The following SYT9 variants were observed in gnomAD, a reference collection of about 807,000 sequenced individuals.
The protein encoded by SYT9 is synaptotagmin-9.
A neutral mutation model predicts 48.4 loss-of-function variants in SYT9; 22 were observed. That is an observed-to-expected ratio of 0.45 (90% CI 0.32 to 0.65). The LOEUF is 0.65. Ranked by LOEUF, SYT9 falls within the 30% of genes least tolerant of loss-of-function variation. SYT9 has a pLI of 0.03. For missense variants in SYT9, 577 were observed against 622.0 expected (o/e 0.93, Z 0.77); for synonymous variants, 265 against 245.0 (o/e 1.08, Z -0.76).
At chr11:7,362,127 T>G (rs1337304647) in intron 3 of SYT9, among the ~76,000 whole-genome samples, 2 of 145,670 alleles carry the variant, frequency 1.4e-5, no homozygotes, top group African/African-American at 4.9e-5. Context: ...CTTTCTTTCT[T>G]TTTTATTTTA....
At chr11:7,296,177 G>A (rs1848803385) in intron 1 of SYT9, among the ~76,000 whole-genome samples, 1 of 152,036 alleles carries the variant, frequency 6.6e-6, no homozygotes, top group Non-Finnish European at 1.5e-5. Flanking sequence ...TAAGAGATAG[G>A]TACTATTATT....
intron 3 of SYT9, among the ~76,000 whole-genome samples, chr11:7,401,607 G>C (rs1846894670): frequency 1.3e-5 from 2 of 151,420 alleles, no homozygotes; most frequent in East Asian, 3.9e-4. Context: ...CTTTAGTGTG[G>C]TGTGATTGTT....
intron 1 of SYT9, among the ~76,000 whole-genome samples, chr11:7,263,121 C>A (rs1159984109): frequency 1.3e-5 from 2 of 152,038 alleles, no homozygotes; most frequent in Non-Finnish European, 2.9e-5. Flanking sequence ...TATTTAAAAC[C>A]AAAAAATCTA....
intron 3 of SYT9, among the ~76,000 whole-genome samples, chr11:7,363,427 G>A (rs1398326442): frequency 6.6e-6 from 1 of 152,172 alleles, no homozygotes; most frequent in Non-Finnish European, 1.5e-5. Context: ...AACATATTTA[G>A]AGTGGAACAT....
intron 3 of SYT9, among the ~76,000 whole-genome samples, chr11:7,352,202 T>G (rs1043669047): frequency 1.3e-5 from 2 of 152,180 alleles, no homozygotes; most frequent in African/African-American, 4.8e-5. Flanking sequence ...ATAAATGAAT[T>G]TTAAGAAAGT....
At chr11:7,359,938 C>A (rs910079160) in intron 3 of SYT9, among the ~76,000 whole-genome samples, 1 of 151,916 alleles carries the variant, frequency 6.6e-6, no homozygotes, top group African/African-American at 2.4e-5. Flanking sequence ...TGCCTATGTC[C>A]TGAATGGTAA....
rs34469345 is a variant in SYT9 at position 7,310,444 on chromosome 11, ATTT to A, written c.498-2933_498-2931del. Among the ~76,000 whole-genome samples the A allele has an allele frequency of 2.9e-3, 331 of 115,004 alleles. 3 individuals carry two copies. The highest frequency in any genetic ancestry group is 6.3e-3 in the African/African-American group (184 of 29,268). The allele number at this position is 115,004 out of a possible 152,430, so 75.4% of individuals were successfully genotyped here. A position where few individuals can be genotyped will look rare whatever the true frequency, so the allele number is the denominator to read the frequency against. On this transcript the variant is annotated intron_variant, in intron 2 of 6. Coordinates refer to ENST00000318881, the MANE Select transcript of SYT9 (RefSeq NM_175733.4). ...CCATTGTGCCTAGCCCATAACTGTG[ATTT>A]TTTTTTTTTTTTTTTTTGAGACGGA... is the stretch of plus-strand genomic sequence containing the variant.
intron 6 of SYT9, among the ~76,000 whole-genome samples, chr11:7,426,183 G>T (rs1227144626): frequency 6.6e-6 from 1 of 151,972 alleles, no homozygotes. Context: ...AAGTACAAAG[G>T]CTACCTCGTG....
intron 3 of SYT9, among the ~76,000 whole-genome samples, chr11:7,397,741 T>A (rs990148196): frequency 1.3e-5 from 2 of 152,190 alleles, no homozygotes; most frequent in Non-Finnish European, 2.9e-5. Flanking sequence ...CATAATTTGT[T>A]AAATGCACCC....
chr11:7,418,249 T>G (rs1847289100), intron 5 of SYT9, 121 bp downstream of exon 5: 2 of 1,065,070 alleles, frequency 1.9e-6, no homozygotes, highest in Non-Finnish European at 2.7e-6. Context: ...ATGAGTCAAC[T>G]AGCAGTGCAT....
intron 1 of SYT9, among the ~76,000 whole-genome samples, chr11:7,299,050 A>G (rs1031968628): frequency 1.3e-5 from 2 of 152,238 alleles, no homozygotes; most frequent in Non-Finnish European, 2.9e-5. Context: ...CCTGTTCTTT[A>G]GAAAAATTAT....
At chr11:7,381,483 G>A (rs1299781812) in intron 3 of SYT9, among the ~76,000 whole-genome samples, 1 of 152,198 alleles carries the variant, frequency 6.6e-6, no homozygotes, top group African/African-American at 2.4e-5. Flanking sequence ...CTGTGGTGAA[G>A]CTCTGCCCTG....
At chr11:7,366,107 C>T (rs1033663476) in intron 3 of SYT9, among the ~76,000 whole-genome samples, 1 of 152,226 alleles carries the variant, frequency 6.6e-6, no homozygotes, top group Non-Finnish European at 1.5e-5. Context: ...AATCCTGGCT[C>T]CCATGATTCG....
intron 1 of SYT9, among the ~76,000 whole-genome samples, chr11:7,288,959 A>G (rs536793619): frequency 6.6e-5 from 10 of 152,212 alleles, no homozygotes; most frequent in African/African-American, 1.9e-4. Flanking sequence ...TCTCATGGCA[A>G]TGCTGCTTGG....
chr11:7,366,110 A>G (rs775870272), intron 3 of SYT9, among the ~76,000 whole-genome samples: 1 of 152,180 alleles, frequency 6.6e-6, no homozygotes, highest in Non-Finnish European at 1.5e-5. Context: ...CCTGGCTCCC[A>G]TGATTCGTTG....
chr11:7,240,830 T>A, intron 1 of SYT9, among the ~76,000 whole-genome samples: 1 of 152,210 alleles, frequency 6.6e-6, no homozygotes, highest in Non-Finnish European at 1.5e-5. Flanking sequence ...GGCAGCCATC[T>A]ACAGTGCATT....
At chr11:7,254,829 C>G (rs1434357773) in intron 1 of SYT9, among the ~76,000 whole-genome samples, 1 of 152,138 alleles carries the variant, frequency 6.6e-6, no homozygotes, top group African/African-American at 2.4e-5. Flanking sequence ...CAAAGTGACC[C>G]TGCATCTAGG....
chr11:7,434,022 AGCTACAGCACAGG>A (rs1847658328), intron 6 of SYT9, among the ~76,000 whole-genome samples: 1 of 152,196 alleles, frequency 6.6e-6, no homozygotes, highest in Non-Finnish European at 1.5e-5. Flanking sequence ...CATCCACCTC[AGCTACAGCACAGG>A]GCTCAGCACT....
At chr11:7,389,412 C>T (rs141037494) in intron 3 of SYT9, among the ~76,000 whole-genome samples, 5 of 152,228 alleles carry the variant, frequency 3.3e-5, no homozygotes, top group South Asian at 2.1e-4. Context: ...GAATAATTCA[C>T]GAGGACTTCC....
Sources: allele counts gnomAD v4.1 joint callset (sites outside exome capture counted in the v4.1 genomes callset), GRCh38; gene constraint gnomAD v4.1.1; transcripts MANE v1.5; gene names NCBI Gene and HGNC (gene_info 2026-07-23, HGNC 2026-07-21).